RAD51B: variants seen among roughly 807,000 people sequenced by gnomAD.
RAD51B encodes the protein RAD51 paralog B.
A neutral mutation model predicts 42.2 loss-of-function variants in RAD51B; 38 were observed. That is an observed-to-expected ratio of 0.90 (90% confidence interval 0.70 to 1.18). RAD51B has a LOEUF of 1.18. Ranked by LOEUF, RAD51B falls within the 50% of genes most tolerant of loss-of-function variation. The pLI, the probability that RAD51B is intolerant of heterozygous loss-of-function variation, is 0.00. For synonymous variants in RAD51B, 154 were observed against 145.2 expected, an observed-to-expected ratio of 1.06 and a Z score of -0.43; for missense variants, 373 against 400.7, an observed-to-expected ratio of 0.93 and a Z score of 0.59.
At chr14:68,651,313 C>T (rs934442820) in intron 11 of RAD51B, among the ~76,000 whole-genome samples, 3 of 152,164 alleles carry the variant, frequency 2.0e-5, no homozygotes, top group Admixed American at 1.3e-4. Flanking sequence ...GCTGGGACTA[C>T]AGGCGTCTGC....
intron 10 of RAD51B, among the ~76,000 whole-genome samples, chr14:68,515,731 G>C (rs1452667214): frequency 3.4e-5 from 5 of 149,192 alleles, no homozygotes; most frequent in African/African-American, 1.2e-4. Flanking sequence ...ACAGGTATGA[G>C]CCACCCAGGT....
intron 10 of RAD51B, among the ~76,000 whole-genome samples, chr14:68,517,837 A>G (rs538818853): frequency 6.6e-6 from 1 of 152,300 alleles, no homozygotes; most frequent in South Asian, 2.1e-4. Flanking sequence ...TCAAAGGTAT[A>G]TGGATATTGG....
intron 7 of RAD51B, among the ~76,000 whole-genome samples, chr14:68,007,942 G>C (rs2075618504): frequency 6.6e-6 from 1 of 151,854 alleles, no homozygotes; most frequent in Admixed American, 6.6e-5. Flanking sequence ...TGAAATAAAT[G>C]CAAATTGGAA....
At chr14:68,151,442 T>G (rs1285767578) in intron 7 of RAD51B, among the ~76,000 whole-genome samples, 1 of 152,074 alleles carries the variant, frequency 6.6e-6, no homozygotes, top group East Asian at 1.9e-4. Flanking sequence ...ATATGTTTGT[T>G]TAGCATTTTC....
rs1345937039 is a variant in RAD51B, at chr14:68,648,020, T to TATAC, written c.1037-2760_1037-2759insTACA. 3.3e-5 allele frequency among the ~76,000 whole-genome samples: 3 copies of TATAC among 91,204 alleles called. 1 individual carries two copies. The highest frequency in any genetic ancestry group is 1.3e-4 in the African/African-American group (3 of 22,392). 59.8% of individuals were successfully genotyped at this position (91,204 alleles called of 152,430 possible). A position where few individuals can be genotyped will look rare whatever the true frequency, so the allele number is the denominator to read the frequency against. ...AAAATTGAGCATATATATATATATA[T>TATAC]ACGTATATATATATATACACACGTA... On this transcript the variant is annotated intron_variant, in intron 10 of 11. Coordinates refer to the RAD51B transcript ENST00000488612.
intron 9 of RAD51B, among the ~76,000 whole-genome samples, chr14:68,414,907 C>G (rs2084516389): frequency 6.7e-6 from 1 of 148,504 alleles, no homozygotes; most frequent in Non-Finnish European, 1.5e-5. Flanking sequence ...TGGCGCATAC[C>G]TGTAGTCCCA....
intron 9 of RAD51B, among the ~76,000 whole-genome samples, chr14:68,437,052 T>G (rs769110478): frequency 6.6e-6 from 1 of 152,196 alleles, no homozygotes; most frequent in Non-Finnish European, 1.5e-5. Context: ...TCCAGTACTA[T>G]GTTGAATAGG....
chr14:68,100,177 A>T (rs2077264314), intron 7 of RAD51B, among the ~76,000 whole-genome samples: 1 of 152,018 alleles, frequency 6.6e-6, no homozygotes, highest in Admixed American at 6.5e-5. Flanking sequence ...ATTTTCAAAG[A>T]CCTCAACTAT....
chr14:68,648,677 A>G (rs1397848757), intron 10 of RAD51B, among the ~76,000 whole-genome samples: 1 of 15,532 alleles, frequency 6.4e-5, no homozygotes, highest in African/African-American at 4.2e-4. Flanking sequence ...GCACACAAAC[A>G]CACACACACA....
At chr14:68,047,153 T>C (rs2076315033) in intron 7 of RAD51B, among the ~76,000 whole-genome samples, 2 of 152,144 alleles carry the variant, frequency 1.3e-5, no homozygotes, top group African/African-American at 4.8e-5. Context: ...TTGTTTTTTG[T>C]ACATTTTAAA....
chr14:67,982,984 C>T lies in RAD51B; in HGVS notation c.756+95780C>T, dbSNP rs181746482. On this transcript the variant is annotated intron_variant, in intron 7 of 10. Coordinates refer to ENST00000471583, the MANE Select transcript of RAD51B (RefSeq NM_133510.4). Reference sequence around the variant, plus strand: ...GAGGCACAGGTGAGAATTGCTTGAGCCCAGGAGTTTGAGGCTGCAGTGAGC... The same window carrying T: ...GAGGCACAGGTGAGAATTGCTTGAGTCCAGGAGTTTGAGGCTGCAGTGAGC... Among the ~76,000 whole-genome samples, 17 of 152,224 alleles carry T rather than the reference C, an allele frequency of 1.1e-4. No individual in the cohort carries two copies. The East Asian group carries it at 3.3e-3, about 29-fold the overall frequency.
chr14:68,530,580 C>G lies in RAD51B; in HGVS notation c.1036+62330C>G, dbSNP rs78149040. ...CTTACTAACAATAGATTCCAGCAGA[C>G]AGTGGAGTAGTATCTTCAAATATCT... On this transcript the variant is annotated intron_variant, in intron 10 of 10. Coordinates refer to the RAD51B transcript ENST00000487270. Among the ~76,000 whole-genome samples, 1,087 of 151,458 alleles carry G rather than the reference C, an allele frequency of 7.2e-3. 18 individuals carry two copies. The highest frequency in any genetic ancestry group is 0.025 in the African/African-American group (1,013 of 41,294).
intron 7 of RAD51B, among the ~76,000 whole-genome samples, chr14:68,115,635 A>G (rs981903138): frequency 6.6e-6 from 1 of 151,996 alleles, no homozygotes; most frequent in Non-Finnish European, 1.5e-5. Context: ...AAGCTGTTGT[A>G]AGTCAAACTG....
chr14:68,682,426 G>A lies in RAD51B; in HGVS notation c.*11+31570G>A, dbSNP rs144744577. 2.1e-3 allele frequency among the ~76,000 whole-genome samples: 321 copies of A among 152,242 alleles called. 1 individual carries two copies. The highest frequency in any genetic ancestry group is 3.6e-3 in the Non-Finnish European group (244 of 68,022). On this transcript the variant is annotated intron_variant, in intron 11 of 11. Coordinates refer to the RAD51B transcript ENST00000488612. ...CCCAAAAGTTCTCTGGAAAGCCCAG[G>A]GATTCCGAATTCCAAAGCCAGCCAA...
intron 11 of RAD51B, among the ~76,000 whole-genome samples, chr14:68,653,033 G>T (rs2140139988): frequency 6.6e-6 from 1 of 152,376 alleles, no homozygotes; most frequent in Non-Finnish European, 1.5e-5. Context: ...CAAAGCATTT[G>T]ATTCACACGC....
intron 7 of RAD51B, among the ~76,000 whole-genome samples, chr14:68,005,045 G>GTTTTTTTTTTT (rs753867497): frequency 1.3e-5 from 1 of 79,504 alleles, no homozygotes; most frequent in African/African-American, 5.3e-5. Flanking sequence ...GTGTGTGTGT[G>GTTTTTTTTTTT]TTTTTTTTTT....
At chr14:67,949,588 A>G (rs577479596) in intron 7 of RAD51B, among the ~76,000 whole-genome samples, 20 of 152,276 alleles carry the variant, frequency 1.3e-4, no homozygotes, top group Admixed American at 5.2e-4. Flanking sequence ...GCTCCTGTCA[A>G]TGTTGGTATT....
intron 4 of RAD51B, among the ~76,000 whole-genome samples, chr14:67,837,692 T>G (rs1037495641): frequency 6.6e-6 from 1 of 152,208 alleles, no homozygotes; most frequent in East Asian, 1.9e-4. Context: ...TATATATTTA[T>G]GGGGTACAGT....
intron 10 of RAD51B, among the ~76,000 whole-genome samples, chr14:68,494,612 C>T (rs976616771): frequency 1.7e-4 from 26 of 152,160 alleles, no homozygotes; most frequent in African/African-American, 6.0e-4. Context: ...TTCTTGTTGC[C>T]TTTGATGATC....
Sources: gnomAD v4.1 joint callset for allele counts (sites outside exome capture counted in the v4.1 genomes callset) on GRCh38, gnomAD v4.1.1 for gene constraint, MANE v1.5 for transcripts, NCBI Gene and HGNC (gene_info 2026-07-23, HGNC 2026-07-21) for gene names.